ATP2B2: variants seen among roughly 807,000 people sequenced by gnomAD.
The protein encoded by ATP2B2 is ATPase plasma membrane Ca2+ transporting 2.
In ATP2B2, 15 loss-of-function variants were observed where a neutral mutation model predicts 120.0. That is an observed-to-expected ratio of 0.12 (90% CI 0.08 to 0.19). The LOEUF (loss-of-function observed/expected upper bound fraction) is 0.19. Among genes scored for constraint, ATP2B2 ranks in the 10% least tolerant of loss-of-function variants. The probability of loss-of-function intolerance (pLI) is 1.00; values close to 1 mark genes in which losing one functional copy is unlikely to be tolerated. For missense variants in ATP2B2, 1,045 were observed against 1,719.8 expected (o/e 0.61, Z 6.94); for synonymous variants, 694 against 700.3 (o/e 0.99, Z 0.14).
chr3:10,650,700 T>C (rs1559504390), intron 1 of ATP2B2, among the ~76,000 whole-genome samples: 2 of 152,184 alleles, frequency 1.3e-5, no homozygotes, highest in Non-Finnish European at 2.9e-5. Context: ...GCCCCCCTGC[T>C]CTGTGCAGCT....
At chr3:10,706,914 T>G (rs1222262139) in intron 1 of ATP2B2, among the ~76,000 whole-genome samples, 1 of 152,186 alleles carries the variant, frequency 6.6e-6, no homozygotes, top group South Asian at 2.1e-4. Context: ...CAGTTTTCAC[T>G]CCTGCCCCCT....
At chr3:10,588,214 C>T (rs1005118686) in intron 2 of ATP2B2, among the ~76,000 whole-genome samples, 1 of 152,156 alleles carries the variant, frequency 6.6e-6, no homozygotes, top group Non-Finnish European at 1.5e-5. Context: ...TGTGCGTTGG[C>T]CTTTACTCGC....
Position 10,379,379 on chromosome 3 carries a change from G to A in ATP2B2, c.1001-95C>T, listed in dbSNP as rs1369486577. 9.4e-6 allele frequency: 13 copies of A among 1,385,290 alleles called. No homozygotes were observed. The South Asian group carries it at 1.3e-4, about 14-fold the overall frequency. The allele number at this position is 1,385,290 out of a possible 1,614,324, so 85.8% of individuals were successfully genotyped here. On this transcript the variant is annotated intron_variant, in intron 8 of 22. Coordinates refer to ENST00000360273, the MANE Select transcript of ATP2B2 (RefSeq NM_001001331.4). Reference sequence around the variant, plus strand: ...ACAGGCCACAGACATTAATGTCACAGATGAAGGGCGGGCCGTGCTGACTGC... The same window carrying A: ...ACAGGCCACAGACATTAATGTCACAAATGAAGGGCGGGCCGTGCTGACTGC...
At chr3:10,406,194 C>G (rs2062404434) in intron 3 of ATP2B2, among the ~76,000 whole-genome samples, 1 of 152,192 alleles carries the variant, frequency 6.6e-6, no homozygotes, top group Non-Finnish European at 1.5e-5. Flanking sequence ...TTTTATACCC[C>G]CTCACTCCTG....
chr3:10,682,659 C>A (rs1213686042), intron 1 of ATP2B2, among the ~76,000 whole-genome samples: 1 of 152,184 alleles, frequency 6.6e-6, no homozygotes, highest in Non-Finnish European at 1.5e-5. Context: ...GAACTTCCCA[C>A]TAGGGCAGAA....
At chr3:10,645,096 G>C (rs916669741) in intron 1 of ATP2B2, among the ~76,000 whole-genome samples, 1 of 152,118 alleles carries the variant, frequency 6.6e-6, no homozygotes, top group Admixed American at 6.5e-5. Flanking sequence ...TGTCGGGGTG[G>C]GTGGGGGAGA....
chr3:10,578,089 TCA>T (rs1279374619), intron 2 of ATP2B2, among the ~76,000 whole-genome samples: 2 of 152,166 alleles, frequency 1.3e-5, no homozygotes, highest in Admixed American at 1.3e-4. Context: ...TCTCTGAGGC[TCA>T]GTTTCTGCTT....
At chr3:10,563,986 A>G (rs1408212146) in intron 2 of ATP2B2, among the ~76,000 whole-genome samples, 1 of 152,166 alleles carries the variant, frequency 6.6e-6, no homozygotes, top group East Asian at 1.9e-4. Flanking sequence ...CCTTGTAACT[A>G]CAGCAAACTA....
chr3:10,476,901 G>C (rs1232402414), intron 1 of ATP2B2, among the ~76,000 whole-genome samples: 1 of 152,154 alleles, frequency 6.6e-6, no homozygotes. Flanking sequence ...GGGGGTGCTG[G>C]GTCTTAGCAG....
intron 3 of ATP2B2, among the ~76,000 whole-genome samples, chr3:10,521,668 G>A (rs1559437329): frequency 6.6e-6 from 1 of 152,264 alleles, no homozygotes; most frequent in East Asian, 1.9e-4. Context: ...CACCCAAGGT[G>A]CTTGTATTGT....
intron 1 of ATP2B2, among the ~76,000 whole-genome samples, chr3:10,679,878 G>T (rs1178045566): frequency 6.6e-6 from 1 of 152,222 alleles, no homozygotes; most frequent in Non-Finnish European, 1.5e-5. Flanking sequence ...GAGAAGAGGG[G>T]AAGAAATAAG....
intron 1 of ATP2B2, among the ~76,000 whole-genome samples, chr3:10,636,048 T>C (rs1161582164): frequency 2.0e-5 from 3 of 152,076 alleles, no homozygotes; most frequent in Non-Finnish European, 2.9e-5. Flanking sequence ...CACTTAAACT[T>C]CTAAGAGGCG....
At chr3:10,432,910 T>C (rs1466551522) in intron 2 of ATP2B2, among the ~76,000 whole-genome samples, 14 of 152,222 alleles carry the variant, frequency 9.2e-5, no homozygotes, top group Admixed American at 3.9e-4. Flanking sequence ...GGCCCCCAAG[T>C]TGAGCTGGAC....
chr3:10,694,315 G>A (rs554115011), intron 1 of ATP2B2, among the ~76,000 whole-genome samples: 44 of 152,264 alleles, frequency 2.9e-4, no homozygotes, highest in Non-Finnish European at 4.6e-4. Context: ...CTTTACAGCC[G>A]AATGGCTCTC....
In ATP2B2 at chr3:10,340,455, G is replaced by A; in HGVS notation, c.3129+38C>T. On this transcript the variant is annotated intron_variant, in intron 20 of 22. Transcript: ENST00000360273. This position sits in a 1 kb window ranked among gnomAD's most constrained non-coding sequence, Gnocchi z 5.0. ...TGCCCAGGGGCTCCAGCCGCTTGCTGCCCACCCCGGGCCTGGTTAGGGTGG... is the reference window on the plus strand; with the variant it reads ...TGCCCAGGGGCTCCAGCCGCTTGCTACCCACCCCGGGCCTGGTTAGGGTGG... 6.2e-7 allele frequency: 1 copy of A among 1,613,970 alleles called. No homozygotes were observed. Among genetic ancestry groups the A allele is most frequent in the Non-Finnish European group, 8.5e-7 (1 of 1,179,858 alleles).
chr3:10,446,273 G>T (rs1438324906), intron 2 of ATP2B2, among the ~76,000 whole-genome samples: 1 of 152,232 alleles, frequency 6.6e-6, no homozygotes, highest in Non-Finnish European at 1.5e-5. Flanking sequence ...TACTCATCAT[G>T]AAAACAATGA....
chr3:10,439,621 G>A (rs2063589925), intron 2 of ATP2B2, among the ~76,000 whole-genome samples: 1 of 152,136 alleles, frequency 6.6e-6, no homozygotes, highest in South Asian at 2.1e-4. Context: ...CAGGCTTTTG[G>A]ATACTCTAGT....
chr3:10,521,266 C>T (rs1261824651), intron 3 of ATP2B2, among the ~76,000 whole-genome samples: 2 of 152,242 alleles, frequency 1.3e-5, no homozygotes, highest in East Asian at 3.9e-4. Flanking sequence ...AATCCTACCA[C>T]TCAAGAATTT....
chr3:10,355,297 G>A (rs2060683717), intron 14 of ATP2B2, among the ~76,000 whole-genome samples: 1 of 152,076 alleles, frequency 6.6e-6, no homozygotes, highest in Non-Finnish European at 1.5e-5. Context: ...GAGTGGCAGG[G>A]GCAGAATTAG....
Sources: allele counts gnomAD v4.1 joint callset (sites outside exome capture counted in the v4.1 genomes callset), GRCh38; gene constraint gnomAD v4.1.1; non-coding constraint Gnocchi (gnomAD v3.1); transcripts MANE v1.5; gene names NCBI Gene and HGNC (gene_info 2026-07-23, HGNC 2026-07-21).